MTERF4: variants seen among roughly 807,000 people sequenced by gnomAD.
MTERF4 encodes mitochondrial transcription termination factor 4, also known as transcription termination factor 4, mitochondrial.
MTERF4 carries 17 observed loss-of-function variants against 22.5 expected under a neutral mutation model. The ratio of observed to expected loss-of-function variants is 0.75; its 90% CI spans 0.52 to 1.13. The LOEUF (loss-of-function observed/expected upper bound fraction) is 1.13, where lower values mean the gene tolerates loss of function less well. Among genes scored for constraint, MTERF4 ranks in the 50% most tolerant of loss-of-function variants. The pLI is 0.00. For synonymous variants in MTERF4, 165 were observed against 175.3 expected (o/e 0.94, Z 0.47); for missense variants, 420 against 466.8 (o/e 0.90, Z 0.92).
At chr2:241,049,199 TG>T in the MTERF4 span, 1 of 1,299,240 alleles carries the variant, frequency 7.7e-7, no homozygotes. Context: ...GAGAAAGCGG[TG>T]GATGAGGCAG....
At chr2:241,057,233 G>A in the MTERF4 span, among the ~76,000 whole-genome samples, 1 of 151,680 alleles carries the variant, frequency 6.6e-6, no homozygotes, top group Non-Finnish European at 1.5e-5. Context: ...ACAAAAATTA[G>A]CTGGGCATGG....
At chr2:241,061,964 G>A in the MTERF4 span, among the ~76,000 whole-genome samples, 1 of 152,166 alleles carries the variant, frequency 6.6e-6, no homozygotes, top group South Asian at 2.1e-4. Flanking sequence ...ACTGTGTAAT[G>A]TTATTCAGCA....
intron 1 of MTERF4, chr2:241,101,339 G>A (rs2064697965): frequency 3.0e-6 from 1 of 329,880 alleles, no homozygotes; most frequent in Non-Finnish European, 6.5e-6. Context: ...GAGAATCTAA[G>A]GCGGCTGGTC....
downstream of MTERF4, chr2:241,071,592 T>C (rs2125241936): frequency 1.3e-6 from 2 of 1,587,710 alleles, no homozygotes; most frequent in Non-Finnish European, 1.7e-6. Context: ...GGGATGGCGC[T>C]GACAGACGCT....
chr2:241,094,507 A>G, downstream of MTERF4: 1 of 426,080 alleles, frequency 2.3e-6, no homozygotes, highest in African/African-American at 2.1e-5. This position sits in a 1 kb window ranked among gnomAD's most constrained non-coding sequence, Gnocchi z 4.3. Context: ...TACCAGGGGT[A>G]TTCCAGTGCA....
rs752534922 is a variant in MTERF4, at chr2:241,096,344, T to TA, written c.799dup (p.Tyr267LeufsTer12). On this transcript the variant is annotated frameshift_variant, in exon 4 of 4. Transcript: ENST00000391980. LOFTEE classifies it low-confidence loss of function (END_TRUNC). This position sits in a 1 kb window ranked among gnomAD's most constrained non-coding sequence, Gnocchi z 5.1. ...TTGGTACCGTCCCAGGCGCTCCAGG[T>TA]AAATGTGTCTCTGCTTAATCTTGGT... 1 of 1,614,150 alleles carries TA rather than the reference T, an allele frequency of 6.2e-7. No homozygotes were observed. Among genetic ancestry groups the TA allele is most frequent in the Non-Finnish European group, 8.5e-7 (1 of 1,180,044 alleles).
chr2:241,072,119 G>A (rs1382405589), downstream of MTERF4: 4 of 697,992 alleles, frequency 5.7e-6, no homozygotes, highest in Non-Finnish European at 1.0e-5. Context: ...TGGAGGCGCA[G>A]GCTGCTGGTA....
In MTERF4 at chr2:241,096,658, G is replaced by T; in HGVS notation, c.706-220C>A. The T allele has an allele frequency of 1.4e-6, 1 of 692,570 alleles. No homozygotes were observed. The highest frequency in any genetic ancestry group is 2.9e-5 in the East Asian group (1 of 34,882). 42.9% of individuals were successfully genotyped at this position (692,570 alleles called of 1,614,324 possible). On this transcript the variant is annotated intron_variant, in intron 3 of 3. Transcript: ENST00000391980. The surrounding 1 kb of genome is among the most constrained non-coding windows in gnomAD (Gnocchi z 5.1). The stretch of plus-strand genomic sequence containing the variant: ...GAAACATGGAGCAGGAAATAAAGGG[G>T]TGGGAGGGAAAAGGGGCAGGAGGGA...
downstream of MTERF4, chr2:241,071,764 G>A (rs766368431): frequency 1.6e-5 from 25 of 1,530,570 alleles, no homozygotes; most frequent in African/African-American, 1.2e-4. Context: ...GGCGGCGCTC[G>A]GACTGTGGTG....
At position 241,081,850 on chromosome 2, in the gene MTERF4, A is replaced by G. The variant is rs1007751457; in HGVS notation, n.480-6168T>C. 8 of 1,315,464 alleles carry G rather than the reference A, an allele frequency of 6.1e-6. No individual in the cohort carries two copies. In the East Asian group the frequency reaches 1.5e-4, roughly 25 times the overall value. 81.5% of individuals were successfully genotyped at this position (1,315,464 alleles called of 1,614,324 possible). A position where few individuals can be genotyped will look rare whatever the true frequency, so the allele number is the denominator to read the frequency against. On this transcript the variant is annotated intron_variant and non_coding_transcript_variant, in intron 4 of 4. Transcript: ENST00000464344. ...TCCAACACAGCCTGTGCCTCAGCCT[A>G]GGACTGCTGGGCCACAGCTGGGTTT... is the stretch of plus-strand genomic sequence containing the variant.
the MTERF4 span, among the ~76,000 whole-genome samples, chr2:241,050,377 G>A: frequency 2.0e-5 from 3 of 152,106 alleles, no homozygotes; most frequent in Admixed American, 2.0e-4. Context: ...ACCCAGGACT[G>A]TCCCTTCTGT....
downstream of MTERF4, among the ~76,000 whole-genome samples, chr2:241,067,229 G>A (rs992567897): frequency 7.2e-5 from 11 of 152,340 alleles, no homozygotes; most frequent in African/African-American, 2.6e-4. Flanking sequence ...TGCCCTCTGG[G>A]CTCTGCCTGG....
At chr2:241,060,319 A>T in the MTERF4 span, among the ~76,000 whole-genome samples, 1 of 151,944 alleles carries the variant, frequency 6.6e-6, no homozygotes, top group Admixed American at 6.6e-5. Flanking sequence ...AGTAGCTGGG[A>T]TTACAGGCAC....
At chr2:241,078,078 T>G (rs1408819741) in intron 4 of MTERF4, among the ~76,000 whole-genome samples, 1 of 151,952 alleles carries the variant, frequency 6.6e-6, no homozygotes, top group Non-Finnish European at 1.5e-5. Flanking sequence ...CACCAAAGTG[T>G]CAATCAACTA....
the MTERF4 span, among the ~76,000 whole-genome samples, chr2:241,047,434 T>C: frequency 1.3e-5 from 2 of 152,164 alleles, no homozygotes; most frequent in African/African-American, 4.8e-5. Flanking sequence ...CAGTGGTTCA[T>C]AGAACATGTA....
the MTERF4 span, chr2:241,051,706 C>T: frequency 7.0e-7 from 1 of 1,425,218 alleles, no homozygotes; most frequent in Non-Finnish European, 9.3e-7. The surrounding 1 kb of genome is among the most constrained non-coding windows in gnomAD (Gnocchi z 4.7). Context: ...GGCCAGCAGC[C>T]TGGCCCCGTT....
At chr2:241,089,347 T>C (rs2286322), downstream of MTERF4, 24,716 of 1,550,502 alleles carry the variant, frequency 0.016, 2,072 homozygotes, top group East Asian at 0.21. Flanking sequence ...TCAAAACAGG[T>C]CTATGTTTTG....
chr2:241,081,254 A>G (rs1491004089), intron 4 of MTERF4, among the ~76,000 whole-genome samples: 2 of 151,046 alleles, frequency 1.3e-5, no homozygotes, highest in African/African-American at 4.8e-5. Context: ...AGTCACATCC[A>G]TTAGAGCACC....
the MTERF4 span, chr2:241,053,202 C>T: frequency 6.2e-7 from 1 of 1,610,518 alleles, no homozygotes; most frequent in Non-Finnish European, 8.5e-7. Flanking sequence ...CACTGCGCTT[C>T]AACGGCACGC....
Sources: allele counts gnomAD v4.1 joint callset (sites outside exome capture counted in the v4.1 genomes callset), GRCh38; gene constraint gnomAD v4.1.1; non-coding constraint Gnocchi (gnomAD v3.1); transcripts MANE v1.5; gene names NCBI Gene and HGNC (gene_info 2026-07-23, HGNC 2026-07-21).